COQ7: variants seen among roughly 807,000 people sequenced by gnomAD.
COQ7 encodes NADPH-dependent 3-demethoxyubiquinone 3-hydroxylase, mitochondrial.
Under a neutral mutation model 25.0 loss-of-function variants are expected in COQ7, and 21 were observed. That is an observed-to-expected ratio of 0.84 (90% CI 0.60 to 1.21). The LOEUF is 1.21. COQ7 is among the 50% of genes most tolerant of loss of function. The probability of loss-of-function intolerance (pLI) is 0.00; values close to 1 mark genes in which losing one functional copy is unlikely to be tolerated. For synonymous variants in COQ7, 125 were observed against 112.4 expected (o/e 1.11, Z -0.71); for missense variants, 311 against 296.2 (o/e 1.05, Z -0.37).
chr16:19,067,677 G>C lies in COQ7; in HGVS notation c.13G>C (p.Gly5Arg), dbSNP rs370802219. Residue 5 changes from glycine (G) to arginine (R), a missense_variant, in exon 1 of 6, where the codon GGG becomes CGG. Transcript: ENST00000321998. Reference sequence around the variant, plus strand: ...TTTAGTTCCGGCAATGAGTTGCGCCGGGGCGGCGGCGGCTCCCCGCCTTTG... The same window carrying C: ...TTTAGTTCCGGCAATGAGTTGCGCCCGGGCGGCGGCGGCTCCCCGCCTTTG... MSCA[G>R]AAAAPRLWRL... 9.9e-6 allele frequency: 16 copies of C among 1,612,084 alleles called. No individual in the cohort carries two copies. The highest frequency in any genetic ancestry group is 2.7e-5 in the African/African-American group (2 of 74,834).
chr16:19,072,365 T>C (rs1962607526), intron 2 of COQ7: 1 of 476,074 alleles, frequency 2.1e-6, no homozygotes, highest in Non-Finnish European at 3.8e-6. Context: ...GGGCAGGCAG[T>C]AATGAAAAAA....
chr16:19,075,899 G>A lies in COQ7; in HGVS notation c.507+39G>A, dbSNP rs563696512. On this transcript the variant is annotated intron_variant, in intron 4 of 5. Coordinates refer to ENST00000321998, the MANE Select transcript of COQ7 (RefSeq NM_016138.5). ...CTCTAGAACGGGGCTGCTCAAGGAG[G>A]AAAATGGCAGATAGCAATTGGGTAA... The A allele has an allele frequency of 6.2e-6, 10 of 1,613,334 alleles. No individual in the cohort carries two copies. In the Admixed American group the frequency reaches 1.0e-4, roughly 16 times the overall value.
At chr16:19,073,849 C>T (rs576075774) in intron 2 of COQ7, 72 bp from the exon 3 acceptor site, 2 of 1,117,008 alleles carry the variant, frequency 1.8e-6, no homozygotes, top group African/African-American at 1.5e-5. Context: ...GCTTTGCTCC[C>T]TGTATGCCGC....
chr16:19,081,260 A>G (rs1394605149), downstream of COQ7, among the ~76,000 whole-genome samples: 1 of 152,222 alleles, frequency 6.6e-6, no homozygotes, highest in Admixed American at 6.5e-5. Flanking sequence ...ATGGCAATGT[A>G]GTTATTTGCA....
chr16:19,081,533 T>A (rs1292243542), downstream of COQ7, among the ~76,000 whole-genome samples: 1 of 152,208 alleles, frequency 6.6e-6, no homozygotes, highest in Non-Finnish European at 1.5e-5. Context: ...GAGAGGAATT[T>A]ACCCAACTCA....
rs746011995 is a variant in COQ7 at position 19,077,346 on chromosome 16, A to G, written c.548A>G (p.Asp183Gly). The G allele has an allele frequency of 6.2e-7, 1 of 1,614,148 alleles. No individual in the cohort carries two copies. Among genetic ancestry groups the G allele is most frequent in the Non-Finnish European group, 8.5e-7 (1 of 1,180,024 alleles). ...CGGGATGAAGAGCTTGAGCACCATG[A>G]CATAGGCCTCGACCATGATGCAGAA... ...KFRDEELEHH[D>G]IGLDHDAELA... is the part of the protein sequence containing the mutation. The change falls in exon 5 of 6, where the codon GAC (aspartate) becomes GGC (glycine). Residue 183 changes from aspartate (D) to glycine (G), a missense_variant. Transcript: ENST00000321998.
At position 19,075,617 on chromosome 16, in the gene COQ7, G is replaced by T. The variant is rs975026425; in HGVS notation, c.368-104G>T. The T allele has an allele frequency of 1.2e-5, 16 of 1,295,998 alleles. No homozygotes were observed. The Middle Eastern group carries it at 8.2e-4, about 67-fold the overall frequency. The allele number at this position is 1,295,998 out of a possible 1,614,324, so 80.3% of individuals were successfully genotyped here. ...CAGCCCCTGTCACAAAGAATGACCC[G>T]GCCCGATGTCTGGTGCAGAGGTTAA... On this transcript the variant is annotated intron_variant, in intron 3 of 5. Coordinates refer to ENST00000321998, the MANE Select transcript of COQ7 (RefSeq NM_016138.5).
rs910465138 is a variant in COQ7 at position 19,073,836 on chromosome 16, T to G, written c.253-85T>G. 3.6e-5 allele frequency: 33 copies of G among 928,664 alleles called. No homozygotes were observed. In the South Asian group the frequency reaches 4.9e-4, roughly 14 times the overall value. 57.5% of individuals were successfully genotyped at this position (928,664 alleles called of 1,614,324 possible). ...CAGCAGTTCCATCATTTTCTCCGTT[T>G]CTGCTTTGCTCCCTGTATGCCGCTT... On this transcript the variant is annotated intron_variant, in intron 2 of 5. Coordinates refer to ENST00000321998, the MANE Select transcript of COQ7 (RefSeq NM_016138.5).
At chr16:19,073,318 A>AAAAAAACAG (rs1555522106) in intron 2 of COQ7, among the ~76,000 whole-genome samples, 1 of 147,040 alleles carries the variant, frequency 6.8e-6, no homozygotes, top group Non-Finnish European at 1.5e-5. Context: ...CAAAAAAACA[A>AAAAAAACAG]AAAAAACCGC....
At chr16:19,077,588 AGC>A (rs1962916669) in intron 5 of COQ7, among the ~76,000 whole-genome samples, 2 of 20,746 alleles carry the variant, frequency 9.6e-5, no homozygotes, top group Non-Finnish European at 1.6e-4. Flanking sequence ...TTTCCCCAGA[AGC>A]TTTTTTTTTT....
intron 5 of COQ7, among the ~76,000 whole-genome samples, chr16:19,077,858 G>A (rs1374349950): frequency 6.6e-6 from 1 of 152,068 alleles, no homozygotes; most frequent in African/African-American, 2.4e-5. Flanking sequence ...TCTCCCAGGA[G>A]CTTCATTTCC....
chr16:19,082,480 T>G (rs1418131742), downstream of COQ7, among the ~76,000 whole-genome samples: 2 of 151,164 alleles, frequency 1.3e-5, no homozygotes, highest in Non-Finnish European at 2.9e-5. Flanking sequence ...TGGGTGACTT[T>G]GAGAAGAAAA....
chr16:19,068,143 C>T (rs146241171), intron 1 of COQ7: 4 of 1,052,050 alleles, frequency 3.8e-6, no homozygotes, highest in African/African-American at 3.4e-5. Context: ...GCCTCCGCTA[C>T]TTCTGGGCGC....
chr16:19,072,179 A>T, intron 2 of COQ7, 73 bp downstream of exon 2: 1 of 1,572,824 alleles, frequency 6.4e-7, no homozygotes, highest in Non-Finnish European at 8.7e-7. Context: ...GTAATGAATC[A>T]TGGGAGGTCA....
rs982891405 is a variant in COQ7, at chr16:19,079,751, A to G, written c.*1593A>G. 2 of 152,220 alleles carry G rather than the reference A, an allele frequency of 1.3e-5. No individual in the cohort carries two copies. The highest frequency in any genetic ancestry group is 2.9e-5 in the Non-Finnish European group (2 of 68,044). The allele number at this position is 152,220 out of a possible 1,614,324, so 9.4% of individuals were successfully genotyped here. Reference sequence around the variant, plus strand: ...GTGCCCTGCATTTAATCAGCACCTGATGACTTGGCAGGACTTGCCCCACCA... The same window carrying G: ...GTGCCCTGCATTTAATCAGCACCTGGTGACTTGGCAGGACTTGCCCCACCA... On this transcript the variant is annotated 3_prime_UTR_variant, in exon 6 of 6. Transcript: ENST00000321998.
Position 19,077,213 on chromosome 16 carries a change from A to T in COQ7, c.508-93A>T. 2.7e-6 allele frequency: 3 copies of T among 1,093,492 alleles called. No homozygotes were observed. In the South Asian group the frequency reaches 3.8e-5, roughly 14 times the overall value. The allele number at this position is 1,093,492 out of a possible 1,614,324, so 67.7% of individuals were successfully genotyped here. A position where few individuals can be genotyped will look rare whatever the true frequency, so the allele number is the denominator to read the frequency against. ...GAGGAAAAGCTGGCCTCCCTGTCTT[A>T]GGCCATAATAAGAGGCTTTAGCCTC... On this transcript the variant is annotated intron_variant, in intron 4 of 5. Transcript: ENST00000321998.
At chr16:19,071,673 A>G (rs1596822954) in intron 1 of COQ7, 1 of 481,922 alleles carries the variant, frequency 2.1e-6, no homozygotes, top group East Asian at 3.9e-5. Context: ...AGCGGTTGCC[A>G]TGTTAACTGC....
intron 3 of COQ7, 59 bp from the exon 4 acceptor site, chr16:19,075,662 G>A (rs1226731554): frequency 3.3e-6 from 5 of 1,504,480 alleles, no homozygotes; most frequent in Non-Finnish European, 3.5e-6. Flanking sequence ...GCCACAGATG[G>A]TCTCCATTAC....
intron 2 of COQ7, among the ~76,000 whole-genome samples, chr16:19,072,671 G>A (rs1218622656): frequency 1.3e-5 from 2 of 152,168 alleles, no homozygotes; most frequent in Non-Finnish European, 2.9e-5. Flanking sequence ...AAGTTAAATG[G>A]CCTGCCCTGA....
Sources: allele counts gnomAD v4.1 joint callset (sites outside exome capture counted in the v4.1 genomes callset), GRCh38; gene constraint gnomAD v4.1.1; transcripts MANE v1.5; gene names NCBI Gene and HGNC (gene_info 2026-07-23, HGNC 2026-07-21).